Variants in GRM8 observed in about 807,000 individuals in gnomAD.
GRM8 encodes glutamate metabotropic receptor 8, also known as metabotropic glutamate receptor 8.
GRM8 carries 47 observed loss-of-function variants against 87.2 expected under a neutral mutation model. The observed-to-expected ratio is 0.54, with a 90% confidence interval of 0.43 to 0.69. The LOEUF (loss-of-function observed/expected upper bound fraction) is 0.69, where lower values mean the gene tolerates loss of function less well. Ranked by LOEUF, GRM8 falls within the 30% of genes least tolerant of loss-of-function variation. GRM8 has a pLI of 0.00. For missense variants in GRM8, 1,019 were observed against 1,139.2 expected, an observed-to-expected ratio of 0.89 and a Z score of 1.52; for synonymous variants, 396 against 404.5, an observed-to-expected ratio of 0.98 and a Z score of 0.25.
chr7:126,731,370 G>A lies in GRM8; in HGVS notation c.1357+38495C>T, dbSNP rs970666433. 2.0e-5 allele frequency among the ~76,000 whole-genome samples: 3 copies of A among 152,164 alleles called. No individual in the cohort carries two copies. In the South Asian group the frequency reaches 6.2e-4, roughly 32 times the overall value. ...GGAACTTGAATCATGCCAGAAATTT[G>A]AAGAATCACCTTTTGCGTTTCCTGA... On this transcript the variant is annotated intron_variant, in intron 7 of 10. Coordinates refer to ENST00000339582, the MANE Select transcript of GRM8 (RefSeq NM_000845.3).
At chr7:126,587,832 GA>G (rs762772013) in intron 8 of GRM8, among the ~76,000 whole-genome samples, 23 of 141,862 alleles carry the variant, frequency 1.6e-4, no homozygotes, top group South Asian at 1.3e-3. Context: ...ATAAAAAAAA[GA>G]AAAAAAAGTA....
intron 3 of GRM8, among the ~76,000 whole-genome samples, chr7:127,043,309 T>A (rs1212273193): frequency 6.6e-6 from 1 of 152,212 alleles, no homozygotes. Context: ...TAAAGACACA[T>A]GCACATGTAT....
At chr7:127,210,307 G>T (rs1215754174) in intron 2 of GRM8, among the ~76,000 whole-genome samples, 1 of 152,190 alleles carries the variant, frequency 6.6e-6, no homozygotes, top group Non-Finnish European at 1.5e-5. Flanking sequence ...CAGTGATACA[G>T]ATTTGCATAG....
At chr7:126,585,222 T>G (rs533750248) in intron 8 of GRM8, among the ~76,000 whole-genome samples, 1 of 152,194 alleles carries the variant, frequency 6.6e-6, no homozygotes, top group East Asian at 1.9e-4. Context: ...GAAGAAATTT[T>G]GGTGAATAAC....
At chr7:126,787,317 A>G (rs1820721076) in intron 6 of GRM8, among the ~76,000 whole-genome samples, 1 of 152,182 alleles carries the variant, frequency 6.6e-6, no homozygotes, top group Non-Finnish European at 1.5e-5. Flanking sequence ...CCCCTTTCTC[A>G]GATTTCTGGG....
intron 6 of GRM8, among the ~76,000 whole-genome samples, chr7:126,815,076 C>T (rs1028504927): frequency 6.6e-6 from 1 of 152,062 alleles, no homozygotes; most frequent in African/African-American, 2.4e-5. Flanking sequence ...TTACTTGATG[C>T]CAGGAAGACA....
chr7:126,988,675 G>A (rs1167848670), intron 3 of GRM8, among the ~76,000 whole-genome samples: 1 of 152,170 alleles, frequency 6.6e-6, no homozygotes, highest in Non-Finnish European at 1.5e-5. Flanking sequence ...TGAGTTCTTA[G>A]TATGTACAGT....
At chr7:126,754,428 A>G (rs1383764211) in intron 7 of GRM8, among the ~76,000 whole-genome samples, 1 of 151,886 alleles carries the variant, frequency 6.6e-6, no homozygotes, top group Non-Finnish European at 1.5e-5. Flanking sequence ...AAAAACAATA[A>G]TAACAATATA....
intron 6 of GRM8, among the ~76,000 whole-genome samples, chr7:126,815,245 A>G (rs1284310000): frequency 6.6e-6 from 1 of 152,100 alleles, no homozygotes. Flanking sequence ...TGGTACACAG[A>G]GGCCCTGATT....
At chr7:127,235,676 T>A (rs140932613) in intron 2 of GRM8, among the ~76,000 whole-genome samples, 2 of 152,330 alleles carry the variant, frequency 1.3e-5, no homozygotes, top group African/African-American at 4.8e-5. Flanking sequence ...TGACCAAACA[T>A]CAGAATCACC....
chr7:126,539,705 A>AT (rs577770817), intron 8 of GRM8, among the ~76,000 whole-genome samples: 46 of 150,570 alleles, frequency 3.1e-4, no homozygotes, highest in African/African-American at 7.6e-4. Context: ...TCAATAAAGA[A>AT]TTTTTTTTTT....
At chr7:126,630,580 C>A (rs1801157713) in intron 7 of GRM8, among the ~76,000 whole-genome samples, 1 of 151,834 alleles carries the variant, frequency 6.6e-6, no homozygotes, top group Non-Finnish European at 1.5e-5. Context: ...GATACAACAA[C>A]AAAAAACTTC....
intron 9 of GRM8, among the ~76,000 whole-genome samples, chr7:126,457,723 C>T (rs1803413170): frequency 6.6e-6 from 1 of 150,570 alleles, no homozygotes; most frequent in African/African-American, 2.4e-5. Context: ...TATGATTATT[C>T]ATCTCAAAAA....
At chr7:126,705,640 G>A (rs1183452707) in intron 7 of GRM8, among the ~76,000 whole-genome samples, 1 of 151,982 alleles carries the variant, frequency 6.6e-6, no homozygotes, top group Non-Finnish European at 1.5e-5. Flanking sequence ...AATATACATA[G>A]GTTAACATGT....
rs530537414 is a variant in GRM8 at position 126,906,031 on chromosome 7, T to G, written c.728-1348A>C. Reference sequence around the variant, plus strand: ...TTCTGTAGGCTGAGTGTTCATATGTTAAAACTTAATCCCCAGTGTGAAAGT... The same window carrying G: ...TTCTGTAGGCTGAGTGTTCATATGTGAAAACTTAATCCCCAGTGTGAAAGT... On this transcript the variant is annotated intron_variant, in intron 3 of 10. Coordinates refer to ENST00000339582, the MANE Select transcript of GRM8 (RefSeq NM_000845.3). Among the ~76,000 whole-genome samples the G allele has an allele frequency of 2.0e-5, 3 of 152,294 alleles. No homozygotes were observed. In the East Asian group the frequency reaches 5.8e-4, roughly 29 times the overall value.
chr7:126,737,380 A>T (rs1585723727), intron 7 of GRM8, among the ~76,000 whole-genome samples: 1 of 152,090 alleles, frequency 6.6e-6, no homozygotes, highest in East Asian at 1.9e-4. Flanking sequence ...CTTCCAACTT[A>T]CTGGCACCCC....
At chr7:126,806,660 C>T (rs1364425366) in intron 6 of GRM8, among the ~76,000 whole-genome samples, 1 of 152,238 alleles carries the variant, frequency 6.6e-6, no homozygotes, top group Non-Finnish European at 1.5e-5. Context: ...AGTCCCCACC[C>T]ATCCCAGAAA....
At chr7:126,710,942 G>A (rs1811034632) in intron 7 of GRM8, among the ~76,000 whole-genome samples, 1 of 152,212 alleles carries the variant, frequency 6.6e-6, no homozygotes, top group Non-Finnish European at 1.5e-5. Flanking sequence ...GGAGGCCAAG[G>A]CAGGTGGATC....
At chr7:127,186,702 T>C (rs921212574) in intron 2 of GRM8, among the ~76,000 whole-genome samples, 6 of 152,200 alleles carry the variant, frequency 3.9e-5, no homozygotes, top group Non-Finnish European at 8.8e-5. Context: ...ACAAAGAGAA[T>C]ATGAAATGTA....
Sources: allele counts gnomAD v4.1 joint callset (sites outside exome capture counted in the v4.1 genomes callset), GRCh38; gene constraint gnomAD v4.1.1; transcripts MANE v1.5; gene names NCBI Gene and HGNC (gene_info 2026-07-23, HGNC 2026-07-21).